The following ATXN2 variants were observed in gnomAD, a reference collection of about 807,000 sequenced individuals.
ATXN2 encodes the protein ataxin 2, also known as ataxin-2.
Under a neutral mutation model 138.6 loss-of-function variants are expected in ATXN2, and 37 were observed. The ratio of observed to expected loss-of-function variants is 0.27; its 90% CI spans 0.21 to 0.35. The LOEUF is 0.35. Ranked by LOEUF, ATXN2 falls within the 10% of genes least tolerant of loss-of-function variation. ATXN2 has a pLI of 1.00. For synonymous variants in ATXN2, 549 were observed against 543.7 expected, an observed-to-expected ratio of 1.01 and a Z score of -0.13; for missense variants, 1,216 against 1,480.3, an observed-to-expected ratio of 0.82 and a Z score of 2.93.
chr12:111,517,368 G>A lies in ATXN2; in HGVS notation c.1165+881C>T, dbSNP rs1879913462. On this transcript the variant is annotated intron_variant, in intron 9 of 24. Transcript: ENST00000673436. The stretch of plus-strand genomic sequence containing the variant: ...TATTAAGTACTGAAAATACTCAAGA[G>A]TGTCCATTTGGAGAGGAATTCTGGA... Among the ~76,000 whole-genome samples, 3 of 152,144 alleles carry A rather than the reference G, an allele frequency of 2.0e-5. 1 individual carries two copies. Among genetic ancestry groups the A allele is most frequent in the Admixed American group, 1.3e-4 (2 of 15,266 alleles).
At chr12:111,573,348 C>G (rs12314374) in intron 1 of ATXN2, among the ~76,000 whole-genome samples, 2,256 of 152,202 alleles carry the variant, frequency 0.015, 59 homozygotes, top group African/African-American at 0.05. Context: ...TGCTTGTCAC[C>G]ACGCCTGGCT....
Position 111,598,995 on chromosome 12 carries a change from G to T in ATXN2, c.40C>A (p.Gln14Lys). 1.0e-6 allele frequency: 1 copy of T among 957,768 alleles called. No homozygotes were observed. 59.3% of individuals were successfully genotyped at this position (957,768 alleles called of 1,614,324 possible). ...TGCTGCTGTTGCTGCTGCTGCTGCT[G>T]CTGCTGCTGCTGCTGCTGCTGCTGG... ...KPQQQQQQQQ[Q>K]QQQQQQQQQQ... is the part of the protein sequence containing the mutation. The change falls in exon 1 of 25, where the codon CAG becomes AAG. Residue 14 changes from glutamine to lysine, a missense_variant. By Grantham distance (53) the Gln-to-Lys change is moderately conservative. Transcript: ENST00000673436. The surrounding 1 kb of genome is among the most constrained non-coding windows in gnomAD (Gnocchi z 4.5).
chr12:111,530,209 A>G (rs574985000), intron 5 of ATXN2, among the ~76,000 whole-genome samples: 2 of 152,338 alleles, frequency 1.3e-5, no homozygotes, highest in East Asian at 3.9e-4. Context: ...CTGAGTACCT[A>G]CAATGCACTC....
chr12:111,506,647 C>G (rs1879132930), intron 14 of ATXN2, among the ~76,000 whole-genome samples: 1 of 149,394 alleles, frequency 6.7e-6, no homozygotes, highest in Non-Finnish European at 1.5e-5. Context: ...CCTCCCCCTC[C>G]CCCTCCTTCT....
chr12:111,570,321 G>A (rs1308981820), intron 1 of ATXN2, among the ~76,000 whole-genome samples: 1 of 152,158 alleles, frequency 6.6e-6, no homozygotes, highest in Non-Finnish European at 1.5e-5. Context: ...GAGTATAGCT[G>A]AAACAACGTT....
Position 111,518,321 on chromosome 12 carries a change from G to T in ATXN2, c.1093C>A (p.Pro365Thr), listed in dbSNP as rs1465552384. The T allele has an allele frequency of 6.2e-7, 1 of 1,612,848 alleles. No homozygotes were observed. Residue 365 changes from proline (P) to threonine (T), a missense_variant, in exon 9 of 25, where the codon CCA (proline) becomes ACA (threonine). This residue lies in a region of ATXN2 where 401 missense variants were observed against 528.1 expected (regional missense o/e 0.76). Transcript: ENST00000673436. The stretch of plus-strand genomic sequence containing the variant: ...GAAGTGTGAGAAGTGGATCTTGATG[G>T]CATGGAGCCCGATCCAGGCTGGCCC... Reference protein sequence around the residue: ...RMGQPGSGSMPSRSTSHTSDF... With the variant: ...RMGQPGSGSMTSRSTSHTSDF...
intron 14 of ATXN2, among the ~76,000 whole-genome samples, chr12:111,500,850 C>T (rs916214885): frequency 3.3e-5 from 5 of 151,788 alleles, no homozygotes; most frequent in Non-Finnish European, 5.9e-5. Flanking sequence ...TCCAGCCTGG[C>T]GACAGAGTGA....
At chr12:111,483,655 C>T (rs1382137197) in intron 18 of ATXN2, among the ~76,000 whole-genome samples, 1 of 151,714 alleles carries the variant, frequency 6.6e-6, no homozygotes, top group East Asian at 1.9e-4. Context: ...CCACACCTGG[C>T]CAAAAGATTT....
intron 5 of ATXN2, among the ~76,000 whole-genome samples, chr12:111,529,193 T>C (rs192528193): frequency 1.1e-3 from 172 of 152,022 alleles, no homozygotes; most frequent in Middle Eastern, 0.01. Flanking sequence ...TCCTGCAAAG[T>C]TGAGAAAAAA....
At chr12:111,513,722 G>T (rs1879688995) in intron 10 of ATXN2, among the ~76,000 whole-genome samples, 183 bp from the exon 11 acceptor site, 1 of 149,076 alleles carries the variant, frequency 6.7e-6, no homozygotes, top group Admixed American at 6.7e-5. Context: ...AATTCTTTCA[G>T]AATTATTTTG....
chr12:111,536,714 TGTATGTATGA>T (rs889559445), intron 5 of ATXN2, among the ~76,000 whole-genome samples: 8 of 151,894 alleles, frequency 5.3e-5, no homozygotes, highest in Non-Finnish European at 8.8e-5. Flanking sequence ...GGTATGTGTA[TGTATGTATGA>T]GTATGCATAC....
intron 14 of ATXN2, among the ~76,000 whole-genome samples, chr12:111,491,542 T>A (rs1040890517): frequency 6.6e-6 from 1 of 152,164 alleles, no homozygotes; most frequent in Non-Finnish European, 1.5e-5. Context: ...TGTCTTGCAA[T>A]GTGGATACTA....
intron 1 of ATXN2, among the ~76,000 whole-genome samples, chr12:111,591,048 C>T (rs999831316): frequency 2.6e-5 from 4 of 152,020 alleles, no homozygotes; most frequent in Non-Finnish European, 5.9e-5. Flanking sequence ...CTCCACCGCG[C>T]CCAGCTAATT....
intron 1 of ATXN2, among the ~76,000 whole-genome samples, chr12:111,590,283 C>A (rs1566084988): frequency 6.6e-6 from 1 of 152,056 alleles, no homozygotes. Context: ...GAACCACATA[C>A]ATTAAAAACA....
rs142680833 is a variant in ATXN2, at chr12:111,485,343, TA to T, written c.2458-13del. The T allele has an allele frequency of 1.0e-3, 1,602 of 1,534,398 alleles. No individual in the cohort carries two copies. The highest frequency in any genetic ancestry group is 2.0e-3 in the South Asian group (166 of 84,426). ...ATTGGGTATAAAGGCTTGAGAGAATTAAAAAAAAAATTAACATTAGGCACCT... is the reference window on the plus strand; with the variant it reads ...ATTGGGTATAAAGGCTTGAGAGAATTAAAAAAAAATTAACATTAGGCACCT... On this transcript the variant is annotated splice_polypyrimidine_tract_variant and intron_variant, in intron 17 of 24. Coordinates refer to ENST00000673436, the MANE Select transcript of ATXN2 (RefSeq NM_001372574.1).
rs1411178558 is a variant in ATXN2, at chr12:111,456,020, T to C, written c.3270+9A>G. On this transcript the variant is annotated intron_variant, in intron 23 of 24. Coordinates refer to ENST00000673436, the MANE Select transcript of ATXN2 (RefSeq NM_001372574.1). ...GCCTTCACAGAAAGTTGGCTAAAGC[T>C]GGTATTACCTGAGGTACGTGGGCCA... is the stretch of plus-strand genomic sequence containing the variant. 1 of 1,613,448 alleles carries C rather than the reference T, an allele frequency of 6.2e-7. No homozygotes were observed. Among genetic ancestry groups the C allele is most frequent in the Admixed American group, 1.7e-5 (1 of 60,028 alleles).
At chr12:111,577,420 C>G (rs964178726) in intron 1 of ATXN2, among the ~76,000 whole-genome samples, 3 of 151,978 alleles carry the variant, frequency 2.0e-5, no homozygotes, top group African/African-American at 7.2e-5. Context: ...CGCCCGCCAC[C>G]ACACCCGGTT....
At chr12:111,578,476 T>C (rs1333461856) in intron 1 of ATXN2, among the ~76,000 whole-genome samples, 1 of 152,202 alleles carries the variant, frequency 6.6e-6, no homozygotes, top group Non-Finnish European at 1.5e-5. Flanking sequence ...CTGCCAACAG[T>C]GTTCAGTACC....
In ATXN2 at chr12:111,470,711, C is replaced by A. The variant is rs1267588837; in HGVS notation, c.2556G>T (p.Gln852His). Reference sequence around the variant, plus strand: ...GGTGCATCATGGCACTCTGATGATGCTGGTCTTGCCGCTGTTGGGGCATAT... The same window carrying A: ...GGTGCATCATGGCACTCTGATGATGATGGTCTTGCCGCTGTTGGGGCATAT... Reference protein sequence around the residue: ...VPNMPQQRQDQHHQSAMMHPA... With the variant: ...VPNMPQQRQDHHHQSAMMHPA... Residue 852 changes from glutamine to histidine, a missense_variant, in exon 19 of 25, where the codon CAG becomes CAT. This residue lies in a region of ATXN2 where 490 missense variants were observed against 653.5 expected (regional missense o/e 0.75). Transcript: ENST00000673436. 6.2e-7 allele frequency: 1 copy of A among 1,614,096 alleles called. No homozygotes were observed. The highest frequency in any genetic ancestry group is 2.2e-5 in the East Asian group (1 of 44,878).
Sources: allele counts gnomAD v4.1 joint callset (sites outside exome capture counted in the v4.1 genomes callset), GRCh38; gene constraint gnomAD v4.1.1; regional missense constraint gnomAD v4.1.1; non-coding constraint Gnocchi (gnomAD v3.1); transcripts MANE v1.5; gene names NCBI Gene and HGNC (gene_info 2026-07-23, HGNC 2026-07-21).